Variants in SLC25A44 observed in about 807,000 individuals in gnomAD.
SLC25A44 encodes the protein solute carrier family 25, member 44.
Under a neutral mutation model 29.9 loss-of-function variants are expected in SLC25A44, and 17 were observed. The observed-to-expected ratio is 0.57, with a 90% CI of 0.39 to 0.85. The LOEUF is 0.85. SLC25A44 is among the 40% of genes least tolerant of loss of function. The pLI, the probability that SLC25A44 is intolerant of heterozygous loss-of-function variation, is 0.00. For missense variants in SLC25A44, 302 were observed against 398.4 expected (o/e 0.76, Z 2.06); for synonymous variants, 140 against 151.8 (o/e 0.92, Z 0.57).
At chr1:156,199,314 C>T (rs113893255) in intron 1 of SLC25A44, 222 of 156,642 alleles carry the variant, frequency 1.4e-3, no homozygotes, top group African/African-American at 3.7e-3. Flanking sequence ...AGCATCAAAA[C>T]GGGAACAGTC....
At chr1:156,199,156 A>G (rs950473995) in intron 1 of SLC25A44, 4 of 152,262 alleles carry the variant, frequency 2.6e-5, no homozygotes, top group African/African-American at 7.2e-5. Flanking sequence ...GGGAGAAAGT[A>G]TCATAAATGT....
chr1:156,199,483 T>C (rs771747659), intron 1 of SLC25A44: 11 of 267,552 alleles, frequency 4.1e-5, no homozygotes, highest in Non-Finnish European at 5.7e-5. Context: ...AGAGTAGTGA[T>C]ACCAGGGCCC....
Position 156,211,414 on chromosome 1 carries a change from C to T in SLC25A44, c.*983C>T, listed in dbSNP as rs1657312814. On this transcript the variant is annotated 3_prime_UTR_variant, in exon 4 of 4. Coordinates refer to ENST00000359511, the MANE Select transcript of SLC25A44 (RefSeq NM_014655.4). The stretch of plus-strand genomic sequence containing the variant: ...CAACAAGTGGGCATGTGTTCCCCAG[C>T]ACATTACCCAGGCCAGCAGAGCCAA... 6.6e-6 allele frequency: 1 copy of T among 152,448 alleles called. No individual in the cohort carries two copies. Among genetic ancestry groups the T allele is most frequent in the Non-Finnish European group, 1.5e-5 (1 of 68,072 alleles). The allele number at this position is 152,448 out of a possible 1,614,324, so 9.4% of individuals were successfully genotyped here. A position where few individuals can be genotyped will look rare whatever the true frequency, so the allele number is the denominator to read the frequency against.
rs775996492 is a variant in SLC25A44, at chr1:156,207,943, C to T, written c.683C>T (p.Ser228Leu). ...ECPHIVFQAV[S>L]GPLAAATASI... ...CCTCACATTGTCTTTCAAGCTGTCT[C>T]GGGGCCCCTGGCTGCAGCCACTGCC... The change falls in exon 3 of 4, where the codon TCG becomes TTG. Residue 228 changes from serine (S) to leucine (L), a missense_variant. Transcript: ENST00000359511. 7 of 1,614,046 alleles carry T rather than the reference C, an allele frequency of 4.3e-6. No individual in the cohort carries two copies. Among genetic ancestry groups the T allele is most frequent in the Non-Finnish European group, 5.9e-6 (7 of 1,179,962 alleles).
intron 3 of SLC25A44, 93 bp downstream of exon 3, chr1:156,208,106 C>A: frequency 9.0e-7 from 1 of 1,108,748 alleles, no homozygotes; most frequent in South Asian, 1.4e-5. Flanking sequence ...CTCTTTGTGT[C>A]CTGGCCCTCT....
At chr1:156,209,374 T>C (rs1403135017) in intron 3 of SLC25A44, among the ~76,000 whole-genome samples, 1 of 150,296 alleles carries the variant, frequency 6.7e-6, no homozygotes, top group Non-Finnish European at 1.5e-5. Flanking sequence ...CATGAGAGAG[T>C]ATTGGAGAGG....
intron 3 of SLC25A44, 116 bp downstream of exon 3, chr1:156,208,129 C>G (rs1368784915): frequency 4.5e-6 from 4 of 880,388 alleles, no homozygotes; most frequent in Non-Finnish European, 7.2e-6. Context: ...TCCAGTCAGT[C>G]TTCTCCTGAA....
In SLC25A44 at chr1:156,199,814, T is replaced by G. The variant is rs761705178; in HGVS notation, c.-13-21T>G. The stretch of plus-strand genomic sequence containing the variant: ...GCTCCACCCTCCTTCTTCACATCCC[T>G]CCATACTGCTCAAATCCCAGGTCTT... On this transcript the variant is annotated intron_variant, in intron 1 of 3. Coordinates refer to ENST00000359511, the MANE Select transcript of SLC25A44 (RefSeq NM_014655.4). 9 of 1,595,154 alleles carry G rather than the reference T, an allele frequency of 5.6e-6. No individual in the cohort carries two copies. The Admixed American group carries it at 1.5e-4, about 27-fold the overall frequency.
In SLC25A44 at chr1:156,200,420, T is replaced by C. The variant is rs777365701; in HGVS notation, c.573T>C (p.Leu191=). ...ATCGAGGCTATGTGGCTTCACTGCT[T>C]ACCTATATCCCAAACAGTGCTGTCT... The part of the protein sequence containing the change: ...GFYRGYVASL[L]TYIPNSAVWW... Residue 191 remains leucine, a synonymous_variant, in exon 2 of 4, where the codon CTT becomes CTC. Coordinates refer to ENST00000359511, the MANE Select transcript of SLC25A44 (RefSeq NM_014655.4). The C allele has an allele frequency of 6.2e-7, 1 of 1,613,776 alleles. No homozygotes were observed. The highest frequency in any genetic ancestry group is 8.5e-7 in the Non-Finnish European group (1 of 1,180,014).
chr1:156,195,824 A>T (rs1656180523), intron 1 of SLC25A44, among the ~76,000 whole-genome samples: 1 of 152,118 alleles, frequency 6.6e-6, no homozygotes, highest in Non-Finnish European at 1.5e-5. Flanking sequence ...TTATCCCAGA[A>T]CCTAGTGAAT....
chr1:156,204,647 C>T (rs1000745999), intron 2 of SLC25A44, among the ~76,000 whole-genome samples: 10 of 151,830 alleles, frequency 6.6e-5, no homozygotes, highest in Non-Finnish European at 8.8e-5. Flanking sequence ...CTGCCACACC[C>T]GGCAAATTTT....
intron 1 of SLC25A44, chr1:156,196,947 G>C (rs1355766704): frequency 6.6e-6 from 1 of 152,236 alleles, no homozygotes. Flanking sequence ...GAGTAGAGGA[G>C]AAATCTTGGC....
intron 2 of SLC25A44, 173 bp from the exon 3 acceptor site, chr1:156,207,713 T>G (rs558028973): frequency 7.1e-5 from 45 of 629,428 alleles, no homozygotes; most frequent in Non-Finnish European, 1.1e-4. Context: ...GGAAAGGGCC[T>G]GAGACTTAAT....
At position 156,199,838 on chromosome 1, in the gene SLC25A44, T is replaced by C; in HGVS notation, c.-10T>C. 1.2e-6 allele frequency: 2 copies of C among 1,609,740 alleles called. No homozygotes were observed. The highest frequency in any genetic ancestry group is 1.7e-6 in the Non-Finnish European group (2 of 1,177,384). On this transcript the variant is annotated 5_prime_UTR_variant, in exon 2 of 4. Coordinates refer to ENST00000359511, the MANE Select transcript of SLC25A44 (RefSeq NM_014655.4). Reference sequence around the variant, plus strand: ...CTCCATACTGCTCAAATCCCAGGTCTTCAGGCACCATGGAGGACAAACGCA... The same window carrying C: ...CTCCATACTGCTCAAATCCCAGGTCCTCAGGCACCATGGAGGACAAACGCA...
intron 2 of SLC25A44, among the ~76,000 whole-genome samples, chr1:156,203,743 G>A (rs2103043128): frequency 9.2e-6 from 1 of 108,132 alleles, no homozygotes. Flanking sequence ...TCACTCTGTT[G>A]CCTAGGCTGG....
In SLC25A44 at chr1:156,210,307, T is replaced by C; in HGVS notation, c.821T>C (p.Leu274Pro). The change falls in exon 4 of 4, where the codon CTC becomes CCC. Residue 274 changes from leucine to proline, a missense_variant. Transcript: ENST00000359511. ...ATGGCAGAAGAAGGGCCTTGGGGCC[T>C]CATGAAGGGCCTCTCGGCCAGAATC... ...QLMAEEGPWG[L>P]MKGLSARIIS... is the part of the protein sequence containing the mutation. 6.2e-7 allele frequency: 1 copy of C among 1,606,616 alleles called. No individual in the cohort carries two copies. The highest frequency in any genetic ancestry group is 1.3e-5 in the African/African-American group (1 of 74,772).
chr1:156,200,160 A>G lies in SLC25A44; in HGVS notation c.313A>G (p.Ser105Gly). Residue 105 changes from serine to glycine, a missense_variant, in exon 2 of 4, where the codon AGC becomes GGC. Transcript: ENST00000359511. Reference sequence around the variant, plus strand: ...CACCCGGAAGTTTGTAGCTGACTACAGCCAGAGTAACACAGTCAAATCACT... The same window carrying G: ...CACCCGGAAGTTTGTAGCTGACTACGGCCAGAGTAACACAGTCAAATCACT... ...ELTRKFVADY[S>G]QSNTVKSLVA... The G allele has an allele frequency of 6.2e-7, 1 of 1,614,226 alleles. No homozygotes were observed. Among genetic ancestry groups the G allele is most frequent in the Non-Finnish European group, 8.5e-7 (1 of 1,180,036 alleles).
At position 156,200,325 on chromosome 1, in the gene SLC25A44, G is replaced by T. The variant is rs1320132000; in HGVS notation, c.478G>T (p.Val160Leu). The change falls in exon 2 of 4, where the codon GTA (valine) becomes TTA (leucine). Residue 160 changes from valine (V) to leucine (L), a missense_variant. Coordinates refer to ENST00000359511, the MANE Select transcript of SLC25A44 (RefSeq NM_014655.4). ...GCGGGGGAACCCAGAGGGACAAGGGGTAGTTGCCTTTGGCCAAACCAAGGA... is the reference window on the plus strand; with the variant it reads ...GCGGGGGAACCCAGAGGGACAAGGGTTAGTTGCCTTTGGCCAAACCAAGGA... The part of the protein sequence containing the change: ...QVRGNPEGQG[V>L]VAFGQTKDII... 6.2e-7 allele frequency: 1 copy of T among 1,614,166 alleles called. No homozygotes were observed. The highest frequency in any genetic ancestry group is 1.7e-5 in the Admixed American group (1 of 60,018).
At position 156,199,795 on chromosome 1, in the gene SLC25A44, C is replaced by T. The variant is rs1168829788; in HGVS notation, c.-13-40C>T. The T allele has an allele frequency of 6.4e-6, 10 of 1,552,408 alleles. No individual in the cohort carries two copies. The South Asian group carries it at 1.1e-4, about 17-fold the overall frequency. On this transcript the variant is annotated intron_variant, in intron 1 of 3. Transcript: ENST00000359511. ...CAGAAGGGGAAAGCACAAAGCTCCACCCTCCTTCTTCACATCCCTCCATAC... is the reference window on the plus strand; with the variant it reads ...CAGAAGGGGAAAGCACAAAGCTCCATCCTCCTTCTTCACATCCCTCCATAC...
Sources: gnomAD v4.1 joint callset for allele counts (sites outside exome capture counted in the v4.1 genomes callset) on GRCh38, gnomAD v4.1.1 for gene constraint, MANE v1.5 for transcripts, NCBI Gene and HGNC (gene_info 2026-07-23, HGNC 2026-07-21) for gene names.